HRG: variants seen among roughly 807,000 people sequenced by gnomAD.
The protein encoded by HRG is histidine-rich glycoprotein.
HRG carries 26 observed loss-of-function variants against 29.5 expected under a neutral mutation model. The ratio of observed to expected loss-of-function variants is 0.88; its 90% CI spans 0.65 to 1.22. The LOEUF (loss-of-function observed/expected upper bound fraction) is 1.22, where lower values mean the gene tolerates loss of function less well. Among genes scored for constraint, HRG ranks in the 50% most tolerant of loss-of-function variants. The pLI, the probability that HRG is intolerant of heterozygous loss-of-function variation, is 0.00. For synonymous variants in HRG, 243 were observed against 240.4 expected (o/e 1.01, Z -0.10); for missense variants, 671 against 654.5 (o/e 1.03, Z -0.28).
rs1424703210 is a variant in HRG, at chr3:186,671,743, ACTTTGC to A, written c.515_520del (p.Phe172_Ala173del). The A allele has an allele frequency of 6.2e-7, 1 of 1,613,916 alleles. No individual in the cohort carries two copies. Among genetic ancestry groups the A allele is most frequent in the African/African-American group, 1.3e-5 (1 of 74,904 alleles). On this transcript the variant is annotated inframe_deletion, in exon 4 of 7. Coordinates refer to ENST00000232003, the MANE Select transcript of HRG (RefSeq NM_000412.5). Reference sequence around the variant, plus strand: ...GAGAAGTACAAAGAGGAGAATGATGACTTTGCCTCTTTCAGAGTGGACCGAATCGAG... The same window carrying A: ...GAGAAGTACAAAGAGGAGAATGATGACTCTTTCAGAGTGGACCGAATCGAG...
At chr3:186,674,596 G>A in intron 5 of HRG, 1 of 230,398 alleles carries the variant, frequency 4.3e-6, no homozygotes, top group Non-Finnish European at 8.6e-6. Context: ...TGTAGCCCTG[G>A]CACTTGGGTG....
intron 6 of HRG, among the ~76,000 whole-genome samples, chr3:186,676,248 G>A (rs1339628492): frequency 6.6e-6 from 1 of 152,042 alleles, no homozygotes; most frequent in Non-Finnish European, 1.5e-5. Flanking sequence ...TTAGGAGTAA[G>A]GGATGTTGAT....
At chr3:186,674,903 C>T (rs1718918504) in intron 5 of HRG, 186 bp from the exon 6 acceptor site, 1 of 648,458 alleles carries the variant, frequency 1.5e-6, no homozygotes, top group Middle Eastern at 4.6e-4. Context: ...ATACCCTTCA[C>T]CACCTGCACT....
At position 186,666,758 on chromosome 3, in the gene HRG, C is replaced by T. The variant is rs531288743; in HGVS notation, c.183+544C>T. 3.3e-5 allele frequency among the ~76,000 whole-genome samples: 5 copies of T among 152,024 alleles called. No individual in the cohort carries two copies. In the East Asian group the frequency reaches 9.7e-4, roughly 29 times the overall value. On this transcript the variant is annotated intron_variant, in intron 1 of 6. Transcript: ENST00000232003. ...TGAAACCCTGTCTCTACTAAAAATACAAAAACTAGCTGGGCATGGTGGTGC... is the reference window on the plus strand; with the variant it reads ...TGAAACCCTGTCTCTACTAAAAATATAAAAACTAGCTGGGCATGGTGGTGC...
chr3:186,669,313 C>A (rs1330329325), intron 2 of HRG, among the ~76,000 whole-genome samples: 1 of 152,164 alleles, frequency 6.6e-6, no homozygotes, highest in East Asian at 1.9e-4. Flanking sequence ...TAATAACATC[C>A]CTCCACTTTG....
chr3:186,669,704 T>A, intron 2 of HRG: 1 of 557,686 alleles, frequency 1.8e-6, no homozygotes, highest in East Asian at 3.2e-5. Context: ...GGTATGGCCA[T>A]GATGCTTTAA....
At chr3:186,673,035 G>T (rs1189568870) in intron 5 of HRG, 168 bp downstream of exon 5, 10 of 686,588 alleles carry the variant, frequency 1.5e-5, no homozygotes, top group Non-Finnish European at 2.6e-5. Context: ...GAAATACAAA[G>T]TATCATCTGG....
intron 4 of HRG, among the ~76,000 whole-genome samples, chr3:186,672,176 T>C (rs893241080): frequency 3.9e-5 from 6 of 152,170 alleles, no homozygotes; most frequent in Non-Finnish European, 4.4e-5. Flanking sequence ...TGCCTATAGT[T>C]AGATGGTTCC....
At chr3:186,675,300 TGTGTGTGTGA>T (rs1718939909) in intron 6 of HRG, 110 bp downstream of exon 6, 71 of 602,154 alleles carry the variant, frequency 1.2e-4, no homozygotes, top group East Asian at 5.2e-4. Flanking sequence ...TGTGTGTGTG[TGTGTGTGTGA>T]GAGAGAGAGA....
At chr3:186,676,330 C>G (rs1373472658) in intron 6 of HRG, among the ~76,000 whole-genome samples, 3 of 150,986 alleles carry the variant, frequency 2.0e-5, no homozygotes, top group African/African-American at 7.3e-5. Flanking sequence ...AGATGGGTGC[C>G]AGGTCATAAT....
chr3:186,672,100 C>A (rs1245593239), intron 4 of HRG, among the ~76,000 whole-genome samples: 1 of 151,920 alleles, frequency 6.6e-6, no homozygotes, highest in Non-Finnish European at 1.5e-5. Context: ...TCATCCAATA[C>A]TAACATTCTT....
At chr3:186,673,715 A>G (rs1718881856) in intron 5 of HRG, 1 of 152,204 alleles carries the variant, frequency 6.6e-6, no homozygotes, top group Non-Finnish European at 1.5e-5. Context: ...TCAGCAAAGG[A>G]AAGGTCTTGC....
In HRG at chr3:186,677,469, A is replaced by C. The variant is rs1719039031; in HGVS notation, c.1164A>C (p.Gly388=). The C allele has an allele frequency of 6.3e-7, 1 of 1,590,048 alleles. No individual in the cohort carries two copies. The highest frequency in any genetic ancestry group is 8.6e-7 in the Non-Finnish European group (1 of 1,168,244). Residue 388 remains glycine (G), a synonymous_variant, in exon 7 of 7, where the codon GGA becomes GGC. Transcript: ENST00000232003. The part of the protein sequence containing the change: ...RQHPHGHHPH[G]HHPHGHHPHG... ...ATCCCCATGGACACCACCCCCATGGACACCATCCTCATGGACACCACCCCC... is the reference window on the plus strand; with the variant it reads ...ATCCCCATGGACACCACCCCCATGGCCACCATCCTCATGGACACCACCCCC...
intron 2 of HRG, 150 bp downstream of exon 2, chr3:186,669,201 A>T: frequency 1.4e-6 from 1 of 726,612 alleles, no homozygotes; most frequent in South Asian, 1.5e-5. Flanking sequence ...CTTGAGCAAT[A>T]CTCTTGAGAG....
chr3:186,675,304 T>TGAGAGAGAGAGA (rs1474974601), intron 6 of HRG, 114 bp downstream of exon 6: 31 of 490,342 alleles, frequency 6.3e-5, no homozygotes, highest in Admixed American at 5.9e-4. Context: ...TGTGTGTGTG[T>TGAGAGAGAGAGA]GTGTGAGAGA....
intron 5 of HRG, chr3:186,674,356 A>G (rs540768012): frequency 2.2e-4 from 35 of 157,804 alleles, no homozygotes; most frequent in African/African-American, 7.2e-4. Context: ...AGTACATAGT[A>G]TTATCCCCAT....
At chr3:186,672,656 A>C in intron 4 of HRG, 131 bp from the exon 5 acceptor site, 1 of 713,150 alleles carries the variant, frequency 1.4e-6, no homozygotes, top group Admixed American at 2.1e-5. Context: ...AAACCATTTT[A>C]AAAAATGACA....
chr3:186,672,207 C>T (rs1344944655), intron 4 of HRG, among the ~76,000 whole-genome samples: 1 of 152,168 alleles, frequency 6.6e-6, no homozygotes, highest in Non-Finnish European at 1.5e-5. Flanking sequence ...TACAAGGACC[C>T]AAGTACTTTC....
chr3:186,672,611 C>G (rs1218413079), intron 4 of HRG, among the ~76,000 whole-genome samples, 176 bp from the exon 5 acceptor site: 1 of 152,176 alleles, frequency 6.6e-6, no homozygotes, highest in African/African-American at 2.4e-5. Flanking sequence ...CTGGTATTCA[C>G]CTTATCACTT....
Sources: allele counts gnomAD v4.1 joint callset (sites outside exome capture counted in the v4.1 genomes callset), GRCh38; gene constraint gnomAD v4.1.1; transcripts MANE v1.5; gene names NCBI Gene and HGNC (gene_info 2026-07-23, HGNC 2026-07-21).